The following RXRA variants were observed in gnomAD, a reference collection of about 807,000 sequenced individuals.
RXRA encodes the protein retinoid X receptor alpha.
RXRA carries 5 observed loss-of-function variants against 44.5 expected under a neutral mutation model. The ratio of observed to expected loss-of-function variants is 0.11; its 90% CI spans 0.06 to 0.24. The LOEUF (loss-of-function observed/expected upper bound fraction) is 0.24. RXRA is among the 10% of genes least tolerant of loss of function. The pLI is 1.00. For missense variants in RXRA, 412 were observed against 646.5 expected (o/e 0.64, Z 3.93); for synonymous variants, 291 against 271.4 (o/e 1.07, Z -0.71).
chr9:134,424,748 A>G lies in RXRA; in HGVS notation c.910+2943A>G, dbSNP rs945993535. The G allele has an allele frequency of 4.1e-6, 4 of 985,338 alleles. No homozygotes were observed. In the African/African-American group the frequency reaches 5.2e-5, roughly 13 times the overall value. The allele number at this position is 985,338 out of a possible 1,614,324, so 61.0% of individuals were successfully genotyped here. A position where few individuals can be genotyped will look rare whatever the true frequency, so the allele number is the denominator to read the frequency against. ...GAGGACCTGGGTTAACTCCAAGGAT[A>G]CACTGTGCCTGGCTGGTGTTGGCTG... is the stretch of plus-strand genomic sequence containing the variant. On this transcript the variant is annotated intron_variant, in intron 6 of 9. Coordinates refer to ENST00000481739, the MANE Select transcript of RXRA (RefSeq NM_002957.6).
chr9:134,334,841 A>G (rs1829971187), intron 1 of RXRA, among the ~76,000 whole-genome samples: 1 of 152,188 alleles, frequency 6.6e-6, no homozygotes, highest in African/African-American at 2.4e-5. Context: ...GCGTCCAGGA[A>G]GCCGTGGGCT....
At chr9:134,340,366 G>T (rs12349025) in intron 1 of RXRA, among the ~76,000 whole-genome samples, 1 of 152,156 alleles carries the variant, frequency 6.6e-6, no homozygotes, top group African/African-American at 2.4e-5. Context: ...GTGGTTTGGG[G>T]CAGACCAGTG....
chr9:134,412,322 G>A (rs573969567), intron 4 of RXRA, among the ~76,000 whole-genome samples: 5 of 152,324 alleles, frequency 3.3e-5, no homozygotes, highest in South Asian at 2.1e-4. Flanking sequence ...GTGGTCCCTC[G>A]GCCCGGTTTG....
chr9:134,401,737 G>T lies in RXRA; in HGVS notation c.134G>T (p.Gly45Val). 6.2e-7 allele frequency: 1 copy of T among 1,613,108 alleles called. No individual in the cohort carries two copies. The change falls in exon 2 of 10, where the codon GGA becomes GTA. Residue 45 changes from glycine to valine, a missense_variant. By Grantham distance (109) the Gly-to-Val change is moderately radical. Coordinates refer to ENST00000481739, the MANE Select transcript of RXRA (RefSeq NM_002957.6). ...CTGGGGCCTGGCATCGGCTCCCCGG[G>T]ACAGCTGCATTCTCCCATCAGCACC... ...PSLGPGIGSP[G>V]QLHSPISTLS... is the part of the protein sequence containing the mutation.
intron 1 of RXRA, among the ~76,000 whole-genome samples, chr9:134,375,552 G>T (rs1399361455): frequency 6.6e-6 from 1 of 152,160 alleles, no homozygotes; most frequent in Non-Finnish European, 1.5e-5. Context: ...GACTGTGTGT[G>T]GATGATCGGC....
chr9:134,422,623 G>C (rs1266412899), intron 6 of RXRA: 3 of 914,874 alleles, frequency 3.3e-6, no homozygotes, highest in African/African-American at 3.9e-5. Context: ...CCCCACTCCC[G>C]GGACACTCCC....
intron 1 of RXRA, among the ~76,000 whole-genome samples, chr9:134,331,253 T>C (rs1314924745): frequency 6.6e-6 from 1 of 152,222 alleles, no homozygotes; most frequent in Non-Finnish European, 1.5e-5. Context: ...TTCTGAGCAG[T>C]TGTGCCCCAG....
At chr9:134,370,248 T>G (rs1435235754) in intron 1 of RXRA, among the ~76,000 whole-genome samples, 2 of 152,178 alleles carry the variant, frequency 1.3e-5, no homozygotes, top group East Asian at 3.9e-4. Flanking sequence ...GCACACGCTC[T>G]GAGCTTGAGC....
intron 1 of RXRA, among the ~76,000 whole-genome samples, chr9:134,390,365 A>T (rs1830781980): frequency 1.3e-5 from 2 of 152,180 alleles, no homozygotes. Flanking sequence ...TGTCGCTGCC[A>T]GAAGTTCCCA....
intron 1 of RXRA, among the ~76,000 whole-genome samples, chr9:134,363,120 TG>T (rs1830372356): frequency 6.6e-6 from 1 of 152,210 alleles, no homozygotes; most frequent in African/African-American, 2.4e-5. Context: ...CGGGGGCTGT[TG>T]GGTGCCATGT....
rs1189808397 is a variant in RXRA at position 134,343,635 on chromosome 9, C to T, written c.28+16976C>T. ...ACCTTGACATAGGCTTGAGGGGTCA[C>T]GTCCCCTGCCCTGTCCCCATCTTGC... On this transcript the variant is annotated intron_variant, in intron 1 of 9. Transcript: ENST00000481739. The surrounding 1 kb of genome is among the most constrained non-coding windows in gnomAD (Gnocchi z 4.1). Among the ~76,000 whole-genome samples the T allele has an allele frequency of 3.3e-5, 5 of 152,176 alleles. No individual in the cohort carries two copies. Among genetic ancestry groups the T allele is most frequent in the African/African-American group, 7.2e-5 (3 of 41,520 alleles).
chr9:134,426,471 A>G lies in RXRA; in HGVS notation c.911-2637A>G, dbSNP rs879855799. Reference sequence around the variant, plus strand: ...GGACATCGGGGTGGAGGGACAGGGGACAGGGGAGCTGAGATGCAGCCGGCG... The same window carrying G: ...GGACATCGGGGTGGAGGGACAGGGGGCAGGGGAGCTGAGATGCAGCCGGCG... On this transcript the variant is annotated intron_variant, in intron 6 of 9. Coordinates refer to ENST00000481739, the MANE Select transcript of RXRA (RefSeq NM_002957.6). The surrounding 1 kb of genome is among the most constrained non-coding windows in gnomAD (Gnocchi z 4.6). The G allele has an allele frequency of 9.3e-5, 92 of 985,256 alleles. No individual in the cohort carries two copies. Among genetic ancestry groups the G allele is most frequent in the Non-Finnish European group, 1.1e-4 (89 of 829,916 alleles). The allele number at this position is 985,256 out of a possible 1,614,324, so 61.0% of individuals were successfully genotyped here. A position where few individuals can be genotyped will look rare whatever the true frequency, so the allele number is the denominator to read the frequency against.
In RXRA at chr9:134,417,232, G is replaced by C; in HGVS notation, c.685G>C (p.Asp229His). 1 of 1,613,864 alleles carries C rather than the reference G, an allele frequency of 6.2e-7. No individual in the cohort carries two copies. Among genetic ancestry groups the C allele is most frequent in the Non-Finnish European group, 8.5e-7 (1 of 1,179,978 alleles). The stretch of plus-strand genomic sequence containing the variant: ...GGAGTCGACCAGCAGCGCCAACGAG[G>C]ACATGCCGGTGGAGAGGATCCTGGA... ...EVESTSSANEDMPVERILEAE... is the reference protein window; with the variant it reads ...EVESTSSANEHMPVERILEAE... The change falls in exon 5 of 10, where the codon GAC (aspartate) becomes CAC (histidine). Residue 229 changes from aspartate to histidine, a missense_variant. Coordinates refer to ENST00000481739, the MANE Select transcript of RXRA (RefSeq NM_002957.6). This position sits in a 1 kb window ranked among gnomAD's most constrained non-coding sequence, Gnocchi z 6.1.
At chr9:134,377,894 G>T (rs1329131281) in intron 1 of RXRA, among the ~76,000 whole-genome samples, 1 of 152,222 alleles carries the variant, frequency 6.6e-6, no homozygotes, top group Non-Finnish European at 1.5e-5. Flanking sequence ...GGGGTGCTGA[G>T]TGGGGACCCT....
chr9:134,381,692 C>T (rs1216648300), intron 1 of RXRA, among the ~76,000 whole-genome samples: 2 of 152,072 alleles, frequency 1.3e-5, no homozygotes, highest in Non-Finnish European at 2.9e-5. Flanking sequence ...ATGACAGAGC[C>T]CCTCAGGTGG....
chr9:134,422,457 C>G lies in RXRA; in HGVS notation c.910+652C>G, dbSNP rs1250407910. 2.4e-6 allele frequency: 3 copies of G among 1,264,708 alleles called. No individual in the cohort carries two copies. In the African/African-American group the frequency reaches 4.6e-5, roughly 19 times the overall value. 78.3% of individuals were successfully genotyped at this position (1,264,708 alleles called of 1,614,324 possible). Reference sequence around the variant, plus strand: ...CCCTCTCCCTAGACACTCCCTACTCCCGGGACACACTCCCTGCTACCGGGA... The same window carrying G: ...CCCTCTCCCTAGACACTCCCTACTCGCGGGACACACTCCCTGCTACCGGGA... On this transcript the variant is annotated intron_variant, in intron 6 of 9. Transcript: ENST00000481739.
rs1831629244 is a variant in RXRA at position 134,436,744 on chromosome 9, C to T, written c.*130C>T. The T allele has an allele frequency of 2.1e-6, 2 of 967,320 alleles. No individual in the cohort carries two copies. Among genetic ancestry groups the T allele is most frequent in the East Asian group, 5.1e-5 (2 of 39,366 alleles). 59.9% of individuals were successfully genotyped at this position (967,320 alleles called of 1,614,324 possible). A position where few individuals can be genotyped will look rare whatever the true frequency, so the allele number is the denominator to read the frequency against. On this transcript the variant is annotated 3_prime_UTR_variant, in exon 10 of 10. Transcript: ENST00000481739. ...GTTTGGACTTTGGGGCACAGCCTGTCACTGCTCTGCCTAAGAGATGTGTTG... is the reference window on the plus strand; with the variant it reads ...GTTTGGACTTTGGGGCACAGCCTGTTACTGCTCTGCCTAAGAGATGTGTTG...
intron 1 of RXRA, among the ~76,000 whole-genome samples, chr9:134,398,503 C>T (rs1830913346): frequency 6.6e-6 from 1 of 152,162 alleles, no homozygotes; most frequent in African/African-American, 2.4e-5. Context: ...CTATTGTCAC[C>T]CAGGCTCTGG....
Position 134,422,071 on chromosome 9 carries a change from C to T in RXRA, c.910+266C>T, listed in dbSNP as rs915222136. On this transcript the variant is annotated intron_variant, in intron 6 of 9. Transcript: ENST00000481739. Reference sequence around the variant, plus strand: ...CAGGACGCTCCCCTCTCCCAGGACGCTCCCCTCTCCCAGGACACTCCCGAC... The same window carrying T: ...CAGGACGCTCCCCTCTCCCAGGACGTTCCCCTCTCCCAGGACACTCCCGAC... 4.4e-6 allele frequency: 6 copies of T among 1,378,140 alleles called. No individual in the cohort carries two copies. The African/African-American group carries it at 5.9e-5, about 14-fold the overall frequency. 85.4% of individuals were successfully genotyped at this position (1,378,140 alleles called of 1,614,324 possible).
Sources: gnomAD v4.1 joint callset for allele counts (sites outside exome capture counted in the v4.1 genomes callset) on GRCh38, gnomAD v4.1.1 for gene constraint, Gnocchi (gnomAD v3.1) non-coding constraint, MANE v1.5 for transcripts, NCBI Gene and HGNC (gene_info 2026-07-23, HGNC 2026-07-21) for gene names.